MCUB: variants seen among roughly 807,000 people sequenced by gnomAD.
MCUB encodes the protein mitochondrial calcium uniporter dominant negative subunit beta.
A neutral mutation model predicts 41.4 loss-of-function variants in MCUB; 46 were observed. The ratio of observed to expected loss-of-function variants is 1.11; its 90% CI spans 0.88 to 1.42. MCUB has a LOEUF of 1.42. MCUB is among the 40% of genes most tolerant of loss of function. The probability of loss-of-function intolerance (pLI) is 0.00; values close to 1 mark genes in which losing one functional copy is unlikely to be tolerated. For missense variants in MCUB, 403 were observed against 404.9 expected (o/e 1.00, Z 0.04); for synonymous variants, 148 against 148.2 (o/e 1.00, Z 0.01).
At chr4:109,649,751 T>TA (rs1728918295) in intron 1 of MCUB, among the ~76,000 whole-genome samples, 1 of 151,270 alleles carries the variant, frequency 6.6e-6, no homozygotes, top group African/African-American at 2.4e-5. Flanking sequence ...TATGATTTTT[T>TA]AAAATAGAAA....
At chr4:109,630,738 C>T (rs894135278) in intron 1 of MCUB, among the ~76,000 whole-genome samples, 4 of 152,080 alleles carry the variant, frequency 2.6e-5, no homozygotes, top group East Asian at 1.9e-4. Context: ...TGCACCACCA[C>T]GCCCAGCTAA....
At chr4:109,640,264 A>G (rs1478050227) in intron 1 of MCUB, among the ~76,000 whole-genome samples, 2 of 152,234 alleles carry the variant, frequency 1.3e-5, no homozygotes, top group African/African-American at 4.8e-5. Flanking sequence ...ACAGATCACA[A>G]TGGTGGAATG....
At chr4:109,628,807 C>T (rs1161057691) in intron 1 of MCUB, among the ~76,000 whole-genome samples, 6 of 152,288 alleles carry the variant, frequency 3.9e-5, no homozygotes, top group Middle Eastern at 3.4e-3. Flanking sequence ...AGGTTAAGGA[C>T]GTGGGCGCAG....
chr4:109,633,615 C>T (rs933938358), intron 1 of MCUB, among the ~76,000 whole-genome samples: 1 of 152,066 alleles, frequency 6.6e-6, no homozygotes, highest in Non-Finnish European at 1.5e-5. Flanking sequence ...CTAAATATGC[C>T]TGAAGTAGAA....
chr4:109,571,082 A>C (rs578189177), intron 1 of MCUB, among the ~76,000 whole-genome samples: 1 of 152,324 alleles, frequency 6.6e-6, no homozygotes, highest in South Asian at 2.1e-4. Context: ...AGGAACATTC[A>C]AGGCAGTGCA....
chr4:109,673,962 T>A, intron 4 of MCUB: 1 of 845,582 alleles, frequency 1.2e-6, no homozygotes, highest in East Asian at 2.4e-5. Flanking sequence ...TTGCAGCAGT[T>A]GTTGCATATG....
chr4:109,585,809 G>A (rs187417057), intron 1 of MCUB, among the ~76,000 whole-genome samples: 40 of 152,314 alleles, frequency 2.6e-4, no homozygotes, highest in African/African-American at 8.2e-4. Context: ...AGTTTCTGCC[G>A]AGAGATCGGC....
intron 4 of MCUB, among the ~76,000 whole-genome samples, chr4:109,668,389 C>T (rs993238153): frequency 6.6e-6 from 1 of 152,060 alleles, no homozygotes; most frequent in Non-Finnish European, 1.5e-5. Flanking sequence ...TATGTAATGT[C>T]TCTCTTTACT....
intron 1 of MCUB, among the ~76,000 whole-genome samples, chr4:109,566,394 C>T (rs1471237541): frequency 2.0e-5 from 3 of 150,656 alleles, no homozygotes; most frequent in South Asian, 2.1e-4. Context: ...GACATGAACC[C>T]GGGAGGCAGA....
At chr4:109,646,333 A>G (rs576522175) in intron 1 of MCUB, among the ~76,000 whole-genome samples, 1 of 152,244 alleles carries the variant, frequency 6.6e-6, no homozygotes, top group South Asian at 2.1e-4. Flanking sequence ...TAACTGACTC[A>G]CCATCTCCGC....
chr4:109,647,309 C>G (rs1393151421), intron 1 of MCUB, among the ~76,000 whole-genome samples: 4 of 152,198 alleles, frequency 2.6e-5, no homozygotes. Flanking sequence ...GAGAGTTTCA[C>G]TGCCCTAAAA....
chr4:109,619,182 T>C (rs1728199372), intron 1 of MCUB, among the ~76,000 whole-genome samples: 1 of 152,116 alleles, frequency 6.6e-6, no homozygotes, highest in Non-Finnish European at 1.5e-5. Flanking sequence ...TTCTCCTGCC[T>C]CAGCCTCCTC....
chr4:109,608,213 AC>A (rs1350228488), intron 1 of MCUB, among the ~76,000 whole-genome samples: 1 of 151,820 alleles, frequency 6.6e-6, no homozygotes, highest in Non-Finnish European at 1.5e-5. Context: ...GTATTCTTCA[AC>A]TCCAGAATTT....
At chr4:109,676,225 T>G (rs1050359383) in intron 4 of MCUB, among the ~76,000 whole-genome samples, 1 of 152,172 alleles carries the variant, frequency 6.6e-6, no homozygotes, top group Non-Finnish European at 1.5e-5. Flanking sequence ...TAAGTGGTCA[T>G]GATCAGAATG....
At chr4:109,653,159 G>A (rs1052852603) in intron 1 of MCUB, among the ~76,000 whole-genome samples, 2 of 152,020 alleles carry the variant, frequency 1.3e-5, no homozygotes, top group Non-Finnish European at 2.9e-5. Context: ...GGCGGATCGC[G>A]AGGTTAGGAG....
At chr4:109,608,468 T>C (rs1054648734) in intron 1 of MCUB, among the ~76,000 whole-genome samples, 1 of 150,648 alleles carries the variant, frequency 6.6e-6, no homozygotes, top group African/African-American at 2.4e-5. Context: ...TATTGATGTC[T>C]GGGCGTTGAA....
At chr4:109,651,887 T>C (rs1218962093) in intron 1 of MCUB, among the ~76,000 whole-genome samples, 3 of 152,236 alleles carry the variant, frequency 2.0e-5, no homozygotes, top group Non-Finnish European at 1.5e-5. Context: ...TTTCTGAGCC[T>C]ATTTCCCATG....
At chr4:109,587,903 G>A (rs1727347634) in intron 1 of MCUB, among the ~76,000 whole-genome samples, 1 of 152,116 alleles carries the variant, frequency 6.6e-6, no homozygotes, top group South Asian at 2.1e-4. Context: ...AAAAATAACA[G>A]TCGAAATGAA....
chr4:109,566,371 G>A (rs546944012), intron 1 of MCUB, among the ~76,000 whole-genome samples: 6 of 151,510 alleles, frequency 4.0e-5, no homozygotes, highest in Admixed American at 2.0e-4. Context: ...TCGGGAGGCT[G>A]AGGCAGGAGA....
Sources: allele counts gnomAD v4.1 joint callset (sites outside exome capture counted in the v4.1 genomes callset), GRCh38; gene constraint gnomAD v4.1.1; transcripts MANE v1.5; gene names NCBI Gene and HGNC (gene_info 2026-07-23, HGNC 2026-07-21).